RABGAP1L: variants seen among roughly 807,000 people sequenced by gnomAD.
The protein encoded by RABGAP1L is rab GTPase-activating protein 1-like.
In RABGAP1L, 63 loss-of-function variants were observed where a neutral mutation model predicts 137.7. That is an observed-to-expected ratio of 0.46 (90% CI 0.37 to 0.56). The LOEUF (loss-of-function observed/expected upper bound fraction) is 0.56. Ranked by LOEUF, RABGAP1L falls within the 20% of genes least tolerant of loss-of-function variation. RABGAP1L has a pLI of 0.00. For missense variants in RABGAP1L, 1,095 were observed against 1,244.0 expected (o/e 0.88, Z 1.80); for synonymous variants, 431 against 433.7 (o/e 0.99, Z 0.08).
At chr1:174,835,296 T>C (rs1470211526) in intron 19 of RABGAP1L, among the ~76,000 whole-genome samples, 2 of 152,174 alleles carry the variant, frequency 1.3e-5, no homozygotes, top group Admixed American at 1.3e-4. Flanking sequence ...CTAATGGAGA[T>C]GGTACCACTG....
At chr1:174,353,809 T>C (rs1683391541) in intron 11 of RABGAP1L, among the ~76,000 whole-genome samples, 1 of 152,226 alleles carries the variant, frequency 6.6e-6, no homozygotes, top group South Asian at 2.1e-4. Context: ...AGTGATGGTG[T>C]AGGCAGTTCA....
chr1:174,773,367 T>TAATA (rs1156482901), intron 18 of RABGAP1L, among the ~76,000 whole-genome samples: 1 of 152,170 alleles, frequency 6.6e-6, no homozygotes, highest in East Asian at 1.9e-4. Flanking sequence ...ATCTAAAAAG[T>TAATA]AATAAACAAA....
chr1:174,327,968 TATATATATATAC>T (rs1418807487), intron 11 of RABGAP1L, among the ~76,000 whole-genome samples: 8 of 14,324 alleles, frequency 5.6e-4, no homozygotes, highest in Admixed American at 4.2e-3. Flanking sequence ...TATATATATA[TATATATATATAC>T]ACACACATAT....
intron 13 of RABGAP1L, among the ~76,000 whole-genome samples, chr1:174,445,034 T>C (rs1654591292): frequency 6.6e-6 from 1 of 152,106 alleles, no homozygotes; most frequent in African/African-American, 2.4e-5. Flanking sequence ...ATGATAATGA[T>C]GATACCTACT....
At chr1:174,248,769 A>G (rs987476512) in intron 5 of RABGAP1L, among the ~76,000 whole-genome samples, 3 of 152,338 alleles carry the variant, frequency 2.0e-5, no homozygotes, top group African/African-American at 7.2e-5. Flanking sequence ...TTCCTGTTTC[A>G]AGCAAGTTAC....
intron 17 of RABGAP1L, among the ~76,000 whole-genome samples, chr1:174,743,183 T>C (rs1001476899): frequency 3.9e-5 from 6 of 152,186 alleles, no homozygotes; most frequent in Admixed American, 6.5e-5. Flanking sequence ...TAGGGACTTA[T>C]ATAGCAGGGA....
intron 19 of RABGAP1L, among the ~76,000 whole-genome samples, chr1:174,894,955 C>A (rs1343628906): frequency 6.6e-6 from 1 of 152,110 alleles, no homozygotes; most frequent in Admixed American, 6.6e-5. Flanking sequence ...CGAGATTTCA[C>A]CATGTTGGCC....
chr1:174,439,107 G>C (rs1558235317), intron 13 of RABGAP1L, among the ~76,000 whole-genome samples: 1 of 151,406 alleles, frequency 6.6e-6, no homozygotes, highest in Non-Finnish European at 1.5e-5. Context: ...GTGTATAGAT[G>C]TGTAAGAGCA....
chr1:174,537,910 G>A (rs1344961442), intron 13 of RABGAP1L, among the ~76,000 whole-genome samples: 3 of 152,090 alleles, frequency 2.0e-5, no homozygotes, highest in Non-Finnish European at 1.5e-5. Context: ...TTCAATAAGG[G>A]CTCACCCAGT....
At position 174,484,191 on chromosome 1, in the gene RABGAP1L, C is replaced by T. The variant is rs57775442; in HGVS notation, c.1710+90046C>T. On this transcript the variant is annotated intron_variant, in intron 13 of 25. Coordinates refer to ENST00000681986, the MANE Select transcript of RABGAP1L (RefSeq NM_001366446.1). ...CCTTTACATATACCTGTGTGTCATT[C>T]GTATGTCATCTTTGGAGAAATGTTT... is the stretch of plus-strand genomic sequence containing the variant. Among the ~76,000 whole-genome samples the T allele has an allele frequency of 5.3e-3, 807 of 152,160 alleles. 8 individuals carry two copies. Among genetic ancestry groups the T allele is most frequent in the African/African-American group, 0.018 (764 of 41,506 alleles).
chr1:174,728,401 A>G (rs1266863451), intron 17 of RABGAP1L, among the ~76,000 whole-genome samples: 2 of 152,146 alleles, frequency 1.3e-5, no homozygotes, highest in Admixed American at 6.5e-5. Context: ...ATGCCTAGGA[A>G]TACATCTAAC....
intron 19 of RABGAP1L, among the ~76,000 whole-genome samples, chr1:174,909,742 G>A (rs1360068757): frequency 6.6e-6 from 1 of 152,196 alleles, no homozygotes; most frequent in Non-Finnish European, 1.5e-5. Flanking sequence ...GTTAGAGACT[G>A]TTATGAACAA....
chr1:174,901,927 T>C (rs1658201964), intron 19 of RABGAP1L, among the ~76,000 whole-genome samples: 1 of 152,234 alleles, frequency 6.6e-6, no homozygotes, highest in Non-Finnish European at 1.5e-5. Flanking sequence ...CAGGCCACTC[T>C]ATCTATCGTA....
chr1:174,413,364 A>C (rs1409585493), intron 13 of RABGAP1L, among the ~76,000 whole-genome samples: 2 of 152,138 alleles, frequency 1.3e-5, no homozygotes, highest in South Asian at 4.1e-4. Context: ...CTTGCTTTAG[A>C]CGTTTGTGTC....
At chr1:174,866,405 T>C (rs1218079002) in intron 19 of RABGAP1L, among the ~76,000 whole-genome samples, 1 of 152,200 alleles carries the variant, frequency 6.6e-6, no homozygotes, top group Non-Finnish European at 1.5e-5. Flanking sequence ...TTTTAGACCA[T>C]TAAGCAATTT....
At chr1:174,241,684 G>T (rs767523039) in intron 5 of RABGAP1L, 27 bp downstream of exon 5, 1 of 1,535,994 alleles carries the variant, frequency 6.5e-7, no homozygotes, top group Non-Finnish European at 8.9e-7. Context: ...ATAGCAATTT[G>T]CTATAGAGAT....
intron 13 of RABGAP1L, among the ~76,000 whole-genome samples, chr1:174,450,687 A>C (rs557996291): frequency 6.6e-6 from 1 of 152,132 alleles, no homozygotes; most frequent in Non-Finnish European, 1.5e-5. Context: ...AGATGTAGCA[A>C]AGTAGCATTT....
intron 1 of RABGAP1L, among the ~76,000 whole-genome samples, chr1:174,200,865 G>T (rs1012104751): frequency 1.3e-5 from 2 of 151,952 alleles, no homozygotes; most frequent in Admixed American, 1.3e-4. Context: ...AGTGTCTTTT[G>T]TTTTGAAAAA....
intron 13 of RABGAP1L, among the ~76,000 whole-genome samples, chr1:174,564,047 T>C (rs969041444): frequency 7.2e-5 from 11 of 152,196 alleles, no homozygotes; most frequent in African/African-American, 2.7e-4. Flanking sequence ...GGGGTATCCA[T>C]CAGAGTTTGT....
Sources: gnomAD v4.1 joint callset for allele counts (sites outside exome capture counted in the v4.1 genomes callset) on GRCh38, gnomAD v4.1.1 for gene constraint, MANE v1.5 for transcripts, NCBI Gene and HGNC (gene_info 2026-07-23, HGNC 2026-07-21) for gene names.